The following SCFD2 variants were observed in gnomAD, a reference collection of about 807,000 sequenced individuals.
SCFD2 encodes sec1 family domain containing 2, also known as sec1 family domain-containing protein 2.
A neutral mutation model predicts 58.9 loss-of-function variants in SCFD2; 54 were observed. The ratio of observed to expected loss-of-function variants is 0.92; its 90% CI spans 0.74 to 1.15. SCFD2 has a LOEUF of 1.15. Ranked by LOEUF, SCFD2 falls within the 50% of genes most tolerant of loss-of-function variation. The pLI, the probability that SCFD2 is intolerant of heterozygous loss-of-function variation, is 0.00. For missense variants in SCFD2, 805 were observed against 836.6 expected, an observed-to-expected ratio of 0.96 and a Z score of 0.47; for synonymous variants, 321 against 335.9, an observed-to-expected ratio of 0.96 and a Z score of 0.49.
Position 52,876,102 on chromosome 4 carries a change from C to T in SCFD2, c.1963-2041G>A, listed in dbSNP as rs371881653. Among the ~76,000 whole-genome samples, 6 of 151,536 alleles carry T rather than the reference C, an allele frequency of 4.0e-5. No individual in the cohort carries two copies. The East Asian group carries it at 7.9e-4, about 20-fold the overall frequency. On this transcript the variant is annotated intron_variant, in intron 8 of 8. Transcript: ENST00000401642. ...GAGCCTGGCGGCTTCCAGGCGAGTG[C>T]CATCAGCAGACCCTGAGGAGATCCC...
intron 5 of SCFD2, among the ~76,000 whole-genome samples, chr4:52,962,082 G>A (rs1322482350): frequency 6.6e-6 from 1 of 152,200 alleles, no homozygotes; most frequent in Non-Finnish European, 1.5e-5. Context: ...GGTGGAGTGG[G>A]GATGATTCTC....
intron 4 of SCFD2, among the ~76,000 whole-genome samples, chr4:53,175,677 G>A (rs1727306605): frequency 6.6e-6 from 1 of 152,166 alleles, no homozygotes; most frequent in Non-Finnish European, 1.5e-5. Flanking sequence ...TTGTCTCCAT[G>A]AATAATTTAT....
chr4:53,327,349 T>A (rs1733236240), intron 2 of SCFD2, among the ~76,000 whole-genome samples: 1 of 151,996 alleles, frequency 6.6e-6, no homozygotes, highest in Non-Finnish European at 1.5e-5. Flanking sequence ...CAAAATGGAA[T>A]GAGAAGGGTG....
rs1728873477 is a variant in SCFD2, at chr4:53,217,194, A to G, written c.1311+56632T>C. Among the ~76,000 whole-genome samples, 17 of 152,070 alleles carry G rather than the reference A, an allele frequency of 1.1e-4. No homozygotes were observed. In the South Asian group the frequency reaches 3.3e-3, roughly 30 times the overall value. ...GTGCAGAGCTGAGTTCAATTCCTGG[A>G]TATCCTTATTAACTTTCTGTCTCGT... On this transcript the variant is annotated intron_variant, in intron 4 of 8. Transcript: ENST00000401642.
intron 5 of SCFD2, among the ~76,000 whole-genome samples, chr4:53,128,346 G>C (rs1725693845): frequency 6.6e-6 from 1 of 152,100 alleles, no homozygotes; most frequent in Non-Finnish European, 1.5e-5. Flanking sequence ...ATCTGGAAGG[G>C]CTGCTGCTCT....
chr4:53,280,610 G>A (rs903787886), intron 3 of SCFD2, among the ~76,000 whole-genome samples: 3 of 151,894 alleles, frequency 2.0e-5, no homozygotes, highest in Admixed American at 6.6e-5. Context: ...CAGTCATATC[G>A]TCATTGCATG....
At chr4:53,347,021 A>C (rs1734076995) in intron 2 of SCFD2, among the ~76,000 whole-genome samples, 1 of 152,184 alleles carries the variant, frequency 6.6e-6, no homozygotes, top group Non-Finnish European at 1.5e-5. Context: ...CATTCATTTG[A>C]CTAACTTCTC....
intron 2 of SCFD2, among the ~76,000 whole-genome samples, chr4:53,315,027 A>G (rs1732813475): frequency 6.6e-6 from 1 of 152,184 alleles, no homozygotes; most frequent in African/African-American, 2.4e-5. Flanking sequence ...CATAGTTTAG[A>G]AGACAAGGCA....
At chr4:53,232,855 C>T (rs1729480870) in intron 4 of SCFD2, among the ~76,000 whole-genome samples, 1 of 152,180 alleles carries the variant, frequency 6.6e-6, no homozygotes, top group South Asian at 2.1e-4. Flanking sequence ...TCCACTTCTG[C>T]TGTGAGTCCT....
At chr4:52,998,915 T>C (rs778293145) in intron 5 of SCFD2, among the ~76,000 whole-genome samples, 4 of 152,084 alleles carry the variant, frequency 2.6e-5, no homozygotes, top group African/African-American at 4.8e-5. Flanking sequence ...AGCTATAGGG[T>C]TGGAGAACAA....
chr4:52,976,745 G>A (rs1235726520), intron 5 of SCFD2, among the ~76,000 whole-genome samples: 1 of 152,136 alleles, frequency 6.6e-6, no homozygotes, highest in Non-Finnish European at 1.5e-5. Flanking sequence ...CCCATTCAAA[G>A]GTGAGTAAGC....
intron 7 of SCFD2, among the ~76,000 whole-genome samples, chr4:52,897,664 C>A (rs922441460): frequency 8.5e-5 from 13 of 152,100 alleles, no homozygotes; most frequent in African/African-American, 3.1e-4. Flanking sequence ...ATGCTGCTGG[C>A]CTCATAAAAT....
At chr4:53,354,076 G>A (rs917555894) in intron 1 of SCFD2, among the ~76,000 whole-genome samples, 2 of 152,384 alleles carry the variant, frequency 1.3e-5, no homozygotes, top group East Asian at 1.9e-4. Flanking sequence ...CCTGCACCAC[G>A]TGCCCACATT....
At chr4:53,343,867 A>C (rs1345465913) in intron 2 of SCFD2, among the ~76,000 whole-genome samples, 2 of 152,228 alleles carry the variant, frequency 1.3e-5, no homozygotes, top group Non-Finnish European at 2.9e-5. Context: ...TGATTATCTC[A>C]ATAGATGCAG....
At position 53,175,667 on chromosome 4, in the gene SCFD2, T is replaced by C. The variant is rs181166728; in HGVS notation, c.1312-30085A>G. Among the ~76,000 whole-genome samples, 4 of 152,332 alleles carry C rather than the reference T, an allele frequency of 2.6e-5. No homozygotes were observed. In the East Asian group the frequency reaches 5.8e-4, roughly 22 times the overall value. ...TTAGGACACTTTGGCATCTTTAAAA[T>C]TGTCTCCATGAATAATTTATTGGAC... On this transcript the variant is annotated intron_variant, in intron 4 of 8. Coordinates refer to ENST00000401642, the MANE Select transcript of SCFD2 (RefSeq NM_152540.4).
In SCFD2 at chr4:52,913,116, T is replaced by A. The variant is rs867705723; in HGVS notation, c.1708-5525A>T. Among the ~76,000 whole-genome samples the A allele has an allele frequency of 1.4e-4, 21 of 152,302 alleles. No homozygotes were observed. In the Middle Eastern group the frequency reaches 0.01, roughly 74 times the overall value. ...TGGTCATTTATTTATTCCTTATATC[T>A]CTGGATATCCAATGTGGGCTGGCAA... On this transcript the variant is annotated intron_variant, in intron 6 of 8. Coordinates refer to ENST00000401642, the MANE Select transcript of SCFD2 (RefSeq NM_152540.4).
chr4:53,098,907 C>T (rs762132540), intron 5 of SCFD2, among the ~76,000 whole-genome samples: 3 of 152,058 alleles, frequency 2.0e-5, no homozygotes, highest in Admixed American at 1.3e-4. Context: ...TTCCATAGAC[C>T]TATTCTTCTA....
intron 8 of SCFD2, among the ~76,000 whole-genome samples, chr4:52,878,914 G>A (rs999177880): frequency 6.6e-6 from 1 of 152,068 alleles, no homozygotes; most frequent in Non-Finnish European, 1.5e-5. Flanking sequence ...CCTAAACCTG[G>A]TCTTCCCTGC....
chr4:53,269,504 T>A (rs1409928967), intron 4 of SCFD2, among the ~76,000 whole-genome samples: 1 of 152,084 alleles, frequency 6.6e-6, no homozygotes, highest in Non-Finnish European at 1.5e-5. Flanking sequence ...GATAAAGAAT[T>A]GAAGAAATTA....
Sources: allele counts gnomAD v4.1 joint callset (sites outside exome capture counted in the v4.1 genomes callset), GRCh38; gene constraint gnomAD v4.1.1; transcripts MANE v1.5; gene names NCBI Gene and HGNC (gene_info 2026-07-23, HGNC 2026-07-21).